The following PEAK1 variants were observed in gnomAD, a reference collection of about 807,000 sequenced individuals.
PEAK1 encodes the protein inactive tyrosine-protein kinase PEAK1.
Under a neutral mutation model 124.7 loss-of-function variants are expected in PEAK1, and 54 were observed. The observed-to-expected ratio is 0.43, with a 90% CI of 0.35 to 0.54. The LOEUF (loss-of-function observed/expected upper bound fraction) is 0.54. PEAK1 is among the 20% of genes least tolerant of loss of function. PEAK1 has a pLI of 0.01. For synonymous variants in PEAK1, 719 were observed against 760.0 expected, an observed-to-expected ratio of 0.95 and a Z score of 0.89; for missense variants, 2,046 against 2,134.5, an observed-to-expected ratio of 0.96 and a Z score of 0.82.
chr15:77,244,315 G>A (rs1202339868), intron 6 of PEAK1, among the ~76,000 whole-genome samples: 1 of 152,186 alleles, frequency 6.6e-6, no homozygotes, highest in African/African-American at 2.4e-5. Flanking sequence ...GGCAGCAGAT[G>A]GAAGAGATCC....
chr15:77,313,994 A>AT (rs1394143288), intron 2 of PEAK1, among the ~76,000 whole-genome samples: 1 of 152,074 alleles, frequency 6.6e-6, no homozygotes, highest in Non-Finnish European at 1.5e-5. Context: ...ATCAACAGCG[A>AT]TAAGTCATGC....
chr15:77,207,317 T>C (rs2058707543), intron 6 of PEAK1, among the ~76,000 whole-genome samples: 1 of 152,130 alleles, frequency 6.6e-6, no homozygotes, highest in Non-Finnish European at 1.5e-5. Context: ...ATGTTAAGAA[T>C]TGTGTACAAA....
chr15:77,146,099 C>T (rs1031537554), intron 8 of PEAK1, among the ~76,000 whole-genome samples: 18 of 152,224 alleles, frequency 1.2e-4, no homozygotes, highest in African/African-American at 4.3e-4. Context: ...TAGTGCATAG[C>T]GGGGAATACA....
At chr15:77,329,569 A>T (rs2065778745) in intron 2 of PEAK1, among the ~76,000 whole-genome samples, 1 of 152,220 alleles carries the variant, frequency 6.6e-6, no homozygotes, top group Admixed American at 6.5e-5. Context: ...GTAATCAAGC[A>T]AATCAGAAAG....
chr15:77,265,091 C>T (rs954145646), intron 5 of PEAK1, among the ~76,000 whole-genome samples: 19 of 152,134 alleles, frequency 1.2e-4, no homozygotes, highest in South Asian at 6.2e-4. Context: ...TTACACCTTA[C>T]ACAAAAATCA....
At chr15:77,253,659 GGTTTT>G (rs2060989051) in intron 5 of PEAK1, among the ~76,000 whole-genome samples, 1 of 151,948 alleles carries the variant, frequency 6.6e-6, no homozygotes, top group Non-Finnish European at 1.5e-5. Context: ...GTGACCTAAA[GGTTTT>G]GTTTTTTCTT....
At chr15:77,394,590 A>C (rs923201318) in intron 1 of PEAK1, among the ~76,000 whole-genome samples, 1 of 152,244 alleles carries the variant, frequency 6.6e-6, no homozygotes, top group Non-Finnish European at 1.5e-5. Context: ...CCTCTAATGC[A>C]GACATGGCTG....
At chr15:77,239,165 T>C (rs539719190) in intron 6 of PEAK1, among the ~76,000 whole-genome samples, 2 of 152,332 alleles carry the variant, frequency 1.3e-5, no homozygotes, top group East Asian at 3.9e-4. Context: ...TTGGCAGAGA[T>C]AAATGGACAA....
Position 77,221,745 on chromosome 15 carries a change from T to G in PEAK1, c.-115+30622A>C, listed in dbSNP as rs145387848. Among the ~76,000 whole-genome samples, 117 of 152,256 alleles carry G rather than the reference T, an allele frequency of 7.7e-4. 1 individual carries two copies. Among genetic ancestry groups the G allele is most frequent in the Non-Finnish European group, 9.3e-4 (63 of 67,992 alleles). ...TAGCCTATATGCTTGTATTTCAGAATGTACTAAGAAGTTTTGTGAAGGATT... is the reference window on the plus strand; with the variant it reads ...TAGCCTATATGCTTGTATTTCAGAAGGTACTAAGAAGTTTTGTGAAGGATT... On this transcript the variant is annotated intron_variant, in intron 6 of 9. Transcript: ENST00000682557.
chr15:77,271,889 C>A (rs895008010), intron 5 of PEAK1, among the ~76,000 whole-genome samples: 40 of 152,032 alleles, frequency 2.6e-4, no homozygotes, highest in Middle Eastern at 3.4e-3. Flanking sequence ...ATGTAACAAA[C>A]CTGCACGTTG....
chr15:77,356,023 C>T lies in PEAK1; in HGVS notation c.-603+9140G>A, dbSNP rs950057555. 49 of 867,442 alleles carry T rather than the reference C, an allele frequency of 5.6e-5. No individual in the cohort carries two copies. The Admixed American group carries it at 1.7e-3, about 31-fold the overall frequency. The allele number at this position is 867,442 out of a possible 1,614,324, so 53.7% of individuals were successfully genotyped here. On this transcript the variant is annotated intron_variant, in intron 2 of 9. Coordinates refer to ENST00000682557, the MANE Select transcript of PEAK1 (RefSeq NM_001385026.1). ...ACTACTAAAGTTCTATTTTGCTTCT[C>T]TTGTATTCCAGTGCCCATGTGCACA... is the stretch of plus-strand genomic sequence containing the variant.
intron 6 of PEAK1, among the ~76,000 whole-genome samples, chr15:77,192,203 G>T (rs1040207701): frequency 3.9e-5 from 6 of 152,238 alleles, no homozygotes; most frequent in Admixed American, 6.5e-5. Flanking sequence ...GCAGGATGCT[G>T]AGGTGGATGA....
intron 6 of PEAK1, among the ~76,000 whole-genome samples, chr15:77,201,865 G>T (rs1295840003): frequency 6.6e-6 from 1 of 152,138 alleles, no homozygotes; most frequent in African/African-American, 2.4e-5. Flanking sequence ...GGGCATAAAT[G>T]ACTAACTCAG....
intron 5 of PEAK1, among the ~76,000 whole-genome samples, chr15:77,275,728 A>T (rs62008433): frequency 0.077 from 11,654 of 151,756 alleles, 572 homozygotes; most frequent in Non-Finnish European, 0.1. Context: ...ATAAATAAAT[A>T]AAATAAAAAA....
chr15:77,366,102 A>G (rs891791573), intron 1 of PEAK1, among the ~76,000 whole-genome samples: 1 of 152,230 alleles, frequency 6.6e-6, no homozygotes, highest in Non-Finnish European at 1.5e-5. Flanking sequence ...GATTATAGTC[A>G]TTGGCACCCT....
chr15:77,415,491 G>A (rs1205124391), intron 1 of PEAK1, among the ~76,000 whole-genome samples: 1 of 152,100 alleles, frequency 6.6e-6, no homozygotes, highest in Non-Finnish European at 1.5e-5. Context: ...CAACTTCTGG[G>A]TTCAAGCGAT....
chr15:77,332,744 T>C (rs1597333514), intron 2 of PEAK1, among the ~76,000 whole-genome samples: 1 of 152,182 alleles, frequency 6.6e-6, no homozygotes, highest in African/African-American at 2.4e-5. Flanking sequence ...TTTTAAAAGG[T>C]ACTTCATTTT....
intron 2 of PEAK1, among the ~76,000 whole-genome samples, chr15:77,331,953 G>A (rs72742499): frequency 0.074 from 11,267 of 151,786 alleles, 544 homozygotes; most frequent in Non-Finnish European, 0.1. Context: ...AACTGCTCTA[G>A]AGGCTGGGCG....
intron 2 of PEAK1, among the ~76,000 whole-genome samples, chr15:77,324,787 G>A (rs1438235032): frequency 6.6e-6 from 1 of 152,124 alleles, no homozygotes; most frequent in Non-Finnish European, 1.5e-5. Context: ...TGTGAAGACA[G>A]TACCAAGGGG....
Sources: allele counts gnomAD v4.1 joint callset (sites outside exome capture counted in the v4.1 genomes callset), GRCh38; gene constraint gnomAD v4.1.1; transcripts MANE v1.5; gene names NCBI Gene and HGNC (gene_info 2026-07-23, HGNC 2026-07-21).